Variants in KCNIP4 observed in about 807,000 individuals in gnomAD.
The protein encoded by KCNIP4 is potassium voltage-gated channel interacting protein 4.
KCNIP4 carries 12 observed loss-of-function variants against 34.0 expected under a neutral mutation model. The observed-to-expected ratio is 0.35, with a 90% CI of 0.23 to 0.57. KCNIP4 has a LOEUF of 0.57. Ranked by LOEUF, KCNIP4 falls within the 20% of genes least tolerant of loss-of-function variation. The probability of loss-of-function intolerance (pLI) is 0.83; values close to 1 mark genes in which losing one functional copy is unlikely to be tolerated. For missense variants in KCNIP4, 238 were observed against 311.7 expected (o/e 0.76, Z 1.78); for synonymous variants, 124 against 102.2 (o/e 1.21, Z -1.29).
chr4:20,746,914 G>A (rs896214600), intron 5 of KCNIP4, among the ~76,000 whole-genome samples: 1 of 152,082 alleles, frequency 6.6e-6, no homozygotes, highest in Non-Finnish European at 1.5e-5. Flanking sequence ...TATTCAAAAT[G>A]TGTTCATTCC....
chr4:21,450,341 C>A (rs2199287), intron 1 of KCNIP4, among the ~76,000 whole-genome samples: 17,168 of 152,074 alleles, frequency 0.11, 1,038 homozygotes, highest in East Asian at 0.17. Context: ...AAATAATATT[C>A]ATATTTATGT....
rs766721705 is a variant in KCNIP4 at position 21,011,448 on chromosome 4, T to C, written c.62-128739A>G. On this transcript the variant is annotated intron_variant, in intron 1 of 8. Transcript: ENST00000382152. ...CCATCGGTACTTTTCCATCCTCCTG[T>C]GTATGGTATTATTTCCAGCCAACTT... Among the ~76,000 whole-genome samples, 144 of 152,328 alleles carry C rather than the reference T, an allele frequency of 9.5e-4. 2 individuals are homozygous for C. The highest frequency in any genetic ancestry group is 1.6e-3 in the Non-Finnish European group (108 of 68,034).
intron 1 of KCNIP4, among the ~76,000 whole-genome samples, chr4:21,083,085 C>T (rs771071893): frequency 2.0e-5 from 3 of 151,596 alleles, no homozygotes; most frequent in African/African-American, 7.3e-5. Flanking sequence ...CAGTCTTTAC[C>T]CCTCATCATA....
At chr4:21,775,190 T>G (rs886732118) in intron 1 of KCNIP4, among the ~76,000 whole-genome samples, 1 of 152,188 alleles carries the variant, frequency 6.6e-6, no homozygotes, top group Non-Finnish European at 1.5e-5. Context: ...TCTGCTTTTT[T>G]GTTCTTCTTT....
intron 1 of KCNIP4, among the ~76,000 whole-genome samples, chr4:21,818,937 C>T (rs1722157054): frequency 6.6e-6 from 1 of 152,074 alleles, no homozygotes; most frequent in Admixed American, 6.6e-5. Flanking sequence ...CACATTGCAG[C>T]CAGGCAAACA....
At chr4:21,064,123 C>A (rs1041504505) in intron 1 of KCNIP4, among the ~76,000 whole-genome samples, 1 of 152,098 alleles carries the variant, frequency 6.6e-6, no homozygotes, top group Non-Finnish European at 1.5e-5. Context: ...GCTAATCCAA[C>A]AATTTCATAC....
chr4:21,266,100 C>T (rs1039771131), intron 1 of KCNIP4, among the ~76,000 whole-genome samples: 3 of 152,152 alleles, frequency 2.0e-5, no homozygotes, highest in Admixed American at 1.3e-4. Context: ...TAGATACTCA[C>T]TTAAATGTCA....
At chr4:21,273,079 T>C (rs1037195556) in intron 1 of KCNIP4, among the ~76,000 whole-genome samples, 1 of 152,188 alleles carries the variant, frequency 6.6e-6, no homozygotes, top group Non-Finnish European at 1.5e-5. Flanking sequence ...GACAATGTAG[T>C]TGACACTATT....
At chr4:20,927,478 C>G (rs1382320675) in intron 1 of KCNIP4, among the ~76,000 whole-genome samples, 2 of 152,098 alleles carry the variant, frequency 1.3e-5, no homozygotes, top group Non-Finnish European at 2.9e-5. Context: ...TTAGAAAATT[C>G]AAGGATATTT....
chr4:21,649,403 C>T (rs1459099228), intron 1 of KCNIP4, among the ~76,000 whole-genome samples: 1 of 151,830 alleles, frequency 6.6e-6, no homozygotes, highest in African/African-American at 2.4e-5. Context: ...CATACTGATG[C>T]TATAAGAAAG....
chr4:21,389,670 A>T (rs548182253), intron 1 of KCNIP4, among the ~76,000 whole-genome samples: 68 of 151,862 alleles, frequency 4.5e-4, no homozygotes, highest in African/African-American at 1.5e-3. Flanking sequence ...CATGGTGTAT[A>T]TGTGCCACAT....
chr4:21,549,345 T>C (rs1027345038), intron 1 of KCNIP4, among the ~76,000 whole-genome samples: 2 of 151,894 alleles, frequency 1.3e-5, no homozygotes, highest in African/African-American at 4.8e-5. Context: ...TGGGGCCTGG[T>C]GGGAGGGGTT....
intron 1 of KCNIP4, among the ~76,000 whole-genome samples, chr4:21,819,275 C>A (rs142874931): frequency 8.1e-4 from 123 of 152,328 alleles, no homozygotes; most frequent in African/African-American, 2.7e-3. Context: ...GCCATGCTGG[C>A]CTTCTTTCAG....
chr4:21,343,316 G>C lies in KCNIP4; in HGVS notation c.62-460607C>G, dbSNP rs150757732. On this transcript the variant is annotated intron_variant, in intron 1 of 8. Transcript: ENST00000382152. ...ATTGGAAAGCCACAGGTATATTTAG[G>C]TAGATACTACTTAAAAAAGGAAAGA... 4.7e-3 allele frequency among the ~76,000 whole-genome samples: 718 copies of C among 152,044 alleles called. 7 individuals are homozygous for C. Among genetic ancestry groups the C allele is most frequent in the African/African-American group, 0.017 (690 of 41,476 alleles).
chr4:21,467,786 G>A (rs980760809), intron 1 of KCNIP4, among the ~76,000 whole-genome samples: 3 of 152,200 alleles, frequency 2.0e-5, no homozygotes, highest in African/African-American at 7.2e-5. Context: ...TCATTTCTGA[G>A]ACTCTCTCCC....
chr4:20,751,545 A>G (rs1324819748), intron 4 of KCNIP4, among the ~76,000 whole-genome samples: 1 of 152,114 alleles, frequency 6.6e-6, no homozygotes. Flanking sequence ...GAGGAAAAAA[A>G]AAAGAGATTT....
At chr4:20,987,625 A>G (rs561121727) in intron 1 of KCNIP4, among the ~76,000 whole-genome samples, 16 of 152,286 alleles carry the variant, frequency 1.1e-4, no homozygotes, top group African/African-American at 3.8e-4. Context: ...CATAACCAGG[A>G]TTTATACCTG....
rs574928427 is a variant in KCNIP4, at chr4:20,796,232, T to C, written c.289-37342A>G. Among the ~76,000 whole-genome samples the C allele has an allele frequency of 2.7e-3, 409 of 152,298 alleles. 2 individuals are homozygous for C. Among genetic ancestry groups the C allele is most frequent in the African/African-American group, 9.5e-3 (395 of 41,558 alleles). On this transcript the variant is annotated intron_variant, in intron 3 of 8. Transcript: ENST00000382152. ...AATATTTACTCTGACTCTCAAACAT[T>C]CTGAATCTCTTAGTGGCCAATCACT...
chr4:21,282,142 T>C (rs1762815875), intron 1 of KCNIP4, among the ~76,000 whole-genome samples: 1 of 152,236 alleles, frequency 6.6e-6, no homozygotes, highest in Non-Finnish European at 1.5e-5. Flanking sequence ...AAGCTTAGAA[T>C]TGTGTTTCCC....
Sources: gnomAD v4.1 joint callset for allele counts (sites outside exome capture counted in the v4.1 genomes callset) on GRCh38, gnomAD v4.1.1 for gene constraint, MANE v1.5 for transcripts, NCBI Gene and HGNC (gene_info 2026-07-23, HGNC 2026-07-21) for gene names.